The following BNC2 variants were observed in gnomAD, a reference collection of about 807,000 sequenced individuals.
BNC2 encodes the protein basonuclin zinc finger protein 2.
BNC2 carries 20 observed loss-of-function variants against 76.3 expected under a neutral mutation model. The observed-to-expected ratio is 0.26, with a 90% CI of 0.18 to 0.38. BNC2 has a LOEUF of 0.38. Ranked by LOEUF, BNC2 falls within the 10% of genes least tolerant of loss-of-function variation. The pLI, the probability that BNC2 is intolerant of heterozygous loss-of-function variation, is 1.00. For synonymous variants in BNC2, 582 were observed against 514.8 expected (o/e 1.13, Z -1.77); for missense variants, 1,382 against 1,399.8 (o/e 0.99, Z 0.20).
intron 5 of BNC2, among the ~76,000 whole-genome samples, chr9:16,491,597 A>C (rs991021172): frequency 4.6e-5 from 7 of 152,344 alleles, no homozygotes; most frequent in African/African-American, 1.7e-4. Flanking sequence ...GGAAGGCTTA[A>C]GAAAACAGTG....
At chr9:16,489,693 G>T (rs780336109) in intron 5 of BNC2, among the ~76,000 whole-genome samples, 2 of 152,092 alleles carry the variant, frequency 1.3e-5, no homozygotes. Context: ...CTTCCCAAAG[G>T]CTAACTCCAT....
rs546410523 is a variant in BNC2 at position 16,416,124 on chromosome 9, G to A, written c.*2865C>T. The A allele has an allele frequency of 1.3e-5, 2 of 152,220 alleles. No individual in the cohort carries two copies. The highest frequency in any genetic ancestry group is 2.1e-4 in the South Asian group (1 of 4,814). 9.4% of individuals were successfully genotyped at this position (152,220 alleles called of 1,614,324 possible). On this transcript the variant is annotated 3_prime_UTR_variant, in exon 7 of 7. Transcript: ENST00000380672. ...GACAGCTATGTAATTCACTCACGAGGGCTATCTGACCTTTTATTTGACATT... is the reference window on the plus strand; with the variant it reads ...GACAGCTATGTAATTCACTCACGAGAGCTATCTGACCTTTTATTTGACATT...
chr9:16,738,209 A>G (rs968407144), intron 2 of BNC2, 151 bp downstream of exon 2: 22 of 849,058 alleles, frequency 2.6e-5, no homozygotes, highest in Non-Finnish European at 3.7e-5. Flanking sequence ...TAGGAAGCAA[A>G]TAAATACCTG....
intron 3 of BNC2, among the ~76,000 whole-genome samples, chr9:16,649,913 T>C (rs1442503404): frequency 6.6e-6 from 1 of 152,182 alleles, no homozygotes; most frequent in African/African-American, 2.4e-5. Flanking sequence ...GAGGCCTTCA[T>C]AAATCTTCTG....
intron 6 of BNC2, among the ~76,000 whole-genome samples, 155 bp from the exon 7 acceptor site, chr9:16,419,804 ATCC>A (rs1050501141): frequency 1.3e-5 from 2 of 152,150 alleles, no homozygotes; most frequent in Non-Finnish European, 2.9e-5. Flanking sequence ...ATTCCCCTAT[ATCC>A]TCAGGATCTG....
chr9:16,429,612 G>A (rs1354330594), intron 6 of BNC2: 3 of 203,886 alleles, frequency 1.5e-5, no homozygotes, highest in Non-Finnish European at 3.0e-5. Flanking sequence ...AAGAACAGTA[G>A]ATTGTTCCTT....
chr9:16,663,223 G>A (rs964456908), intron 3 of BNC2, among the ~76,000 whole-genome samples: 7 of 146,080 alleles, frequency 4.8e-5, no homozygotes, highest in Non-Finnish European at 9.0e-5. Flanking sequence ...TCCACCTCCC[G>A]GGTTCAAGCC....
intron 5 of BNC2, chr9:16,476,380 G>A (rs1455485918): frequency 6.6e-6 from 1 of 151,994 alleles, no homozygotes; most frequent in Non-Finnish European, 1.5e-5. Flanking sequence ...CTCCCTTTAG[G>A]TCGCCGTGGC....
chr9:16,694,034 A>T (rs1256791563), intron 3 of BNC2, among the ~76,000 whole-genome samples: 1 of 152,296 alleles, frequency 6.6e-6, no homozygotes, highest in East Asian at 1.9e-4. Context: ...CCATCAAGCT[A>T]TTGAATGCTT....
chr9:16,617,865 C>T lies in BNC2; in HGVS notation c.331-34780G>A, dbSNP rs139616134. 3.7e-4 allele frequency among the ~76,000 whole-genome samples: 57 copies of T among 152,330 alleles called. No individual in the cohort carries two copies. In the East Asian group the frequency reaches 0.01, roughly 28 times the overall value. The stretch of plus-strand genomic sequence containing the variant: ...GATGAACTTGGGTGCCCAGACACTT[C>T]AGAAACCTGTCCAGTATCACAGAGA... On this transcript the variant is annotated intron_variant, in intron 3 of 6. Coordinates refer to ENST00000380672, the MANE Select transcript of BNC2 (RefSeq NM_017637.6).
At chr9:16,788,327 G>A (rs1826357283) in intron 1 of BNC2, among the ~76,000 whole-genome samples, 2 of 151,512 alleles carry the variant, frequency 1.3e-5, no homozygotes, top group South Asian at 2.1e-4. Context: ...GCCAAGGTGG[G>A]CAGATCATGA....
chr9:16,594,070 A>T (rs1587212400), intron 3 of BNC2, among the ~76,000 whole-genome samples: 1 of 152,304 alleles, frequency 6.6e-6, no homozygotes, highest in Admixed American at 6.5e-5. Flanking sequence ...ATATAATATG[A>T]TAGAGAAGAC....
intron 1 of BNC2, among the ~76,000 whole-genome samples, chr9:16,812,449 T>C (rs981814386): frequency 1.3e-5 from 2 of 152,202 alleles, no homozygotes; most frequent in Non-Finnish European, 2.9e-5. Flanking sequence ...AACCCATCTG[T>C]TCCCCAAGCT....
intron 5 of BNC2, among the ~76,000 whole-genome samples, chr9:16,454,133 T>A (rs1387420715): frequency 6.6e-6 from 1 of 151,954 alleles, no homozygotes; most frequent in East Asian, 1.9e-4. Flanking sequence ...CCATTCTGCT[T>A]TTTTTTGTGT....
chr9:16,452,537 G>C (rs1258553409), intron 5 of BNC2, among the ~76,000 whole-genome samples: 1 of 152,062 alleles, frequency 6.6e-6, no homozygotes, highest in African/African-American at 2.4e-5. Context: ...ATTCTCCCAA[G>C]TAGCTGGGAT....
chr9:16,433,943 G>C (rs1820952530), intron 6 of BNC2, among the ~76,000 whole-genome samples: 1 of 152,048 alleles, frequency 6.6e-6, no homozygotes, highest in African/African-American at 2.4e-5. Flanking sequence ...AAATTTAAAA[G>C]AATGAATATT....
intron 1 of BNC2, among the ~76,000 whole-genome samples, chr9:16,821,831 T>C (rs960579755): frequency 2.6e-5 from 4 of 152,086 alleles, no homozygotes; most frequent in Admixed American, 1.3e-4. Context: ...CGGTGGGTAA[T>C]GCCTGTAATC....
intron 3 of BNC2, among the ~76,000 whole-genome samples, chr9:16,632,391 T>A (rs1247171481): frequency 6.6e-6 from 1 of 150,444 alleles, no homozygotes; most frequent in Non-Finnish European, 1.5e-5. Context: ...GCCTTGTACA[T>A]CTTCTGGAGT....
At chr9:16,704,568 G>GAAA (rs34866692) in intron 3 of BNC2, among the ~76,000 whole-genome samples, 9 of 135,874 alleles carry the variant, frequency 6.6e-5, no homozygotes, top group East Asian at 4.6e-4. Context: ...TGCCAAAAAG[G>GAAA]AAAAAAAAAA....
Sources: gnomAD v4.1 joint callset for allele counts (sites outside exome capture counted in the v4.1 genomes callset) on GRCh38, gnomAD v4.1.1 for gene constraint, MANE v1.5 for transcripts, NCBI Gene and HGNC (gene_info 2026-07-23, HGNC 2026-07-21) for gene names.